MAP4K5: variants seen among roughly 807,000 people sequenced by gnomAD.
MAP4K5 encodes the protein MAPK/ERK kinase kinase kinase 5.
A neutral mutation model predicts 135.6 loss-of-function variants in MAP4K5; 82 were observed. The ratio of observed to expected loss-of-function variants is 0.60; its 90% CI spans 0.51 to 0.73. MAP4K5 has a LOEUF of 0.73. Ranked by LOEUF, MAP4K5 falls within the 30% of genes least tolerant of loss-of-function variation. The pLI, the probability that MAP4K5 is intolerant of heterozygous loss-of-function variation, is 0.00. For synonymous variants in MAP4K5, 347 were observed against 335.0 expected (o/e 1.04, Z -0.39); for missense variants, 907 against 1,010.9 (o/e 0.90, Z 1.39).
chr14:50,520,242 T>C (rs930966502), intron 2 of MAP4K5, among the ~76,000 whole-genome samples: 1 of 152,194 alleles, frequency 6.6e-6, no homozygotes, highest in East Asian at 1.9e-4. Context: ...CTCACGCCTG[T>C]AATCCTAGCA....
At position 50,445,093 on chromosome 14, in the gene MAP4K5, G is replaced by A. The variant is rs1566645253; in HGVS notation, c.1287C>T (p.Leu429=). The change falls in exon 18 of 33, where the codon CTC becomes CTT. Residue 429 remains leucine (L), a synonymous_variant. Transcript: ENST00000682126. ...CACAACTTGGGCTACTCTGTCTTCT[G>A]AGAATTTGGGGAGCTCTGCTTTCTG... The part of the protein sequence containing the change: ...PDSESRAPQI[L]RRQSSPSCGP... 6.2e-7 allele frequency: 1 copy of A among 1,613,592 alleles called. No individual in the cohort carries two copies. The highest frequency in any genetic ancestry group is 1.1e-5 in the South Asian group (1 of 91,070).
chr14:50,484,001 C>T (rs940800454), intron 5 of MAP4K5, among the ~76,000 whole-genome samples: 5 of 152,066 alleles, frequency 3.3e-5, no homozygotes, highest in African/African-American at 9.7e-5. Flanking sequence ...GCTGGGATTA[C>T]AGGTGCCTGC....
At chr14:50,489,331 G>A (rs1389215290) in intron 3 of MAP4K5, among the ~76,000 whole-genome samples, 1 of 152,198 alleles carries the variant, frequency 6.6e-6, no homozygotes, top group Non-Finnish European at 1.5e-5. Flanking sequence ...CTGGGGAACA[G>A]AGTGAGAGTC....
At chr14:50,462,837 G>T in intron 12 of MAP4K5, 56 bp from the exon 13 acceptor site, 4 of 974,822 alleles carry the variant, frequency 4.1e-6, no homozygotes, top group Non-Finnish European at 6.6e-6. Flanking sequence ...ATGGCTTAAA[G>T]AAAATGCTAT....
chr14:50,470,838 T>C (rs1413502846), intron 9 of MAP4K5, among the ~76,000 whole-genome samples: 1 of 152,156 alleles, frequency 6.6e-6, no homozygotes, highest in Non-Finnish European at 1.5e-5. Context: ...TCAATTTTTA[T>C]CATTAAAATA....
chr14:50,427,273 TG>T (rs1262442351), intron 30 of MAP4K5, among the ~76,000 whole-genome samples: 2 of 152,236 alleles, frequency 1.3e-5, no homozygotes, highest in Non-Finnish European at 2.9e-5. Flanking sequence ...AGGATTCCTA[TG>T]TCAGAATCTC....
chr14:50,448,736 C>G, intron 15 of MAP4K5, 38 bp downstream of exon 15: 1 of 1,301,818 alleles, frequency 7.7e-7, no homozygotes, highest in South Asian at 1.4e-5. Context: ...TTTCTCAAAT[C>G]TTAATGTGAA....
intron 3 of MAP4K5, among the ~76,000 whole-genome samples, chr14:50,490,689 C>A (rs930627742): frequency 1.3e-5 from 2 of 152,170 alleles, no homozygotes; most frequent in South Asian, 2.1e-4. Context: ...AAACAAGTTA[C>A]ACTACAAAGA....
intron 13 of MAP4K5, 184 bp from the exon 14 acceptor site, chr14:50,456,778 T>C: frequency 3.9e-6 from 2 of 510,218 alleles, no homozygotes; most frequent in Non-Finnish European, 6.9e-6. Flanking sequence ...ATGTTTATAC[T>C]GTATAAAATA....
chr14:50,450,384 C>T lies in MAP4K5; in HGVS notation c.1016-1552G>A, dbSNP rs987801036. 6 of 152,162 alleles carry T rather than the reference C, an allele frequency of 3.9e-5. No homozygotes were observed. In the South Asian group the frequency reaches 1.2e-3, roughly 32 times the overall value. 9.4% of individuals were successfully genotyped at this position (152,162 alleles called of 1,614,324 possible). On this transcript the variant is annotated intron_variant, in intron 14 of 32. Transcript: ENST00000682126. ...GCAATGCACCACAGACACCGTAAGT[C>T]TGTGATTCTTAAAAGAAGGAAAATA...
chr14:50,480,229 C>T (rs1040082992), intron 6 of MAP4K5, among the ~76,000 whole-genome samples: 1 of 151,642 alleles, frequency 6.6e-6, no homozygotes, highest in Non-Finnish European at 1.5e-5. Context: ...TTGGTACAGG[C>T]GGCAATGTGA....
At chr14:50,550,988 G>A (rs1263686843) in intron 1 of MAP4K5, among the ~76,000 whole-genome samples, 1 of 151,126 alleles carries the variant, frequency 6.6e-6, no homozygotes, top group Non-Finnish European at 1.5e-5. Flanking sequence ...AGAGAAACAA[G>A]AACCAAACCC....
At chr14:50,539,777 G>C (rs942084880) in intron 2 of MAP4K5, among the ~76,000 whole-genome samples, 11 of 152,224 alleles carry the variant, frequency 7.2e-5, no homozygotes, top group African/African-American at 2.2e-4. Context: ...GATTTGCTCT[G>C]TTGACTTGAG....
At chr14:50,541,253 T>C (rs2038556644) in intron 2 of MAP4K5, among the ~76,000 whole-genome samples, 1 of 152,222 alleles carries the variant, frequency 6.6e-6, no homozygotes, top group Non-Finnish European at 1.5e-5. Context: ...TTTGTTTCCT[T>C]GATATCCAGT....
At position 50,560,777 on chromosome 14, in the gene MAP4K5, C is replaced by CGGCGGCG. The variant is rs1046248862; in HGVS notation, c.-180+256_-180+262dup. Among the ~76,000 whole-genome samples, 10 of 152,272 alleles carry CGGCGGCG rather than the reference C, an allele frequency of 6.6e-5. No homozygotes were observed. The South Asian group carries it at 8.3e-4, about 13-fold the overall frequency. On this transcript the variant is annotated intron_variant, in intron 1 of 8. Coordinates refer to the MAP4K5 transcript ENST00000555216. ...GCTGGCTCTGCAGGGCGCGGGCTCC[C>CGGCGGCG]GGCGGCGGGCGGCGGGCGGCGCGCT...
At chr14:50,510,707 G>T (rs979550900) in intron 2 of MAP4K5, among the ~76,000 whole-genome samples, 26 of 152,052 alleles carry the variant, frequency 1.7e-4, no homozygotes, top group African/African-American at 4.8e-4. Context: ...TACTACAAAA[G>T]TAAGATTTTG....
chr14:50,427,538 T>C (rs1394767424), intron 30 of MAP4K5, among the ~76,000 whole-genome samples: 2 of 152,196 alleles, frequency 1.3e-5, no homozygotes, highest in Non-Finnish European at 2.9e-5. Flanking sequence ...GTAATGAAAA[T>C]CGTGTTTTTA....
chr14:50,446,004 ACTC>A (rs2036339041), intron 17 of MAP4K5, 72 bp downstream of exon 17: 1 of 1,008,298 alleles, frequency 9.9e-7, no homozygotes, highest in Non-Finnish European at 1.4e-6. Flanking sequence ...TTTTGAAAAA[ACTC>A]AAAATTATTT....
At chr14:50,486,668 C>CGTGA (rs2037369607) in intron 3 of MAP4K5, among the ~76,000 whole-genome samples, 1 of 152,140 alleles carries the variant, frequency 6.6e-6, no homozygotes, top group Non-Finnish European at 1.5e-5. Context: ...GGGTGGCTCA[C>CGTGA]GCCTGTAATT....
Sources: gnomAD v4.1 joint callset for allele counts (sites outside exome capture counted in the v4.1 genomes callset) on GRCh38, gnomAD v4.1.1 for gene constraint, MANE v1.5 for transcripts, NCBI Gene and HGNC (gene_info 2026-07-23, HGNC 2026-07-21) for gene names.